Variants in ACER1 observed in about 807,000 individuals in gnomAD.
ACER1 encodes the protein alkaline ceramidase 1, also known as CTB-180A7.3.
Under a neutral mutation model 24.9 loss-of-function variants are expected in ACER1, and 28 were observed. That is an observed-to-expected ratio of 1.13 (90% CI 0.83 to 1.54). ACER1 has a LOEUF of 1.54. Ranked by LOEUF, ACER1 falls within the 40% of genes most tolerant of loss-of-function variation. The pLI is 0.00. For synonymous variants in ACER1, 132 were observed against 131.4 expected (o/e 1.00, Z -0.03); for missense variants, 352 against 349.3 (o/e 1.01, Z -0.06).
chr19:6,348,056 G>A, the ACER1 span, among the ~76,000 whole-genome samples: 1 of 149,508 alleles, frequency 6.7e-6, no homozygotes, highest in Non-Finnish European at 1.5e-5. Flanking sequence ...GACTAGAAGT[G>A]TTAATTTTGA....
chr19:6,332,653 A>C (rs144619900), intron 1 of ACER1, among the ~76,000 whole-genome samples: 48 of 151,834 alleles, frequency 3.2e-4, no homozygotes, highest in African/African-American at 1.2e-3. Flanking sequence ...AGAACTGAGG[A>C]GTTTCTCAGG....
At chr19:6,344,140 T>C in the ACER1 span, among the ~76,000 whole-genome samples, 4 of 151,930 alleles carry the variant, frequency 2.6e-5, no homozygotes, top group Admixed American at 6.6e-5. Context: ...CTACTAAAAA[T>C]ACAAAATATT....
intron 1 of ACER1, among the ~76,000 whole-genome samples, chr19:6,316,251 TAGTGAGACCCCACCTCCATA>T (rs1328526923): frequency 6.6e-6 from 1 of 152,018 alleles, no homozygotes; most frequent in African/African-American, 2.4e-5. Flanking sequence ...CTGGGCAACA[TAGTGAGACCCCACCTCCATA>T]AAAAATAAAT....
chr19:6,349,883 T>C, the ACER1 span, among the ~76,000 whole-genome samples: 2 of 152,028 alleles, frequency 1.3e-5, no homozygotes, highest in East Asian at 3.9e-4. Flanking sequence ...GTAATCCCAA[T>C]ACTTTGGGAA....
At chr19:6,347,109 A>AAATATAT in the ACER1 span, among the ~76,000 whole-genome samples, 4 of 113,822 alleles carry the variant, frequency 3.5e-5, no homozygotes, top group African/African-American at 1.5e-4. Context: ...AAAAAAAAAA[A>AAATATAT]ATATATATAT....
At chr19:6,335,902 TTTTC>T (rs1443489101), upstream of ACER1, among the ~76,000 whole-genome samples, 2 of 148,134 alleles carry the variant, frequency 1.4e-5, no homozygotes, top group Non-Finnish European at 3.0e-5. Context: ...TTTCTTTTTC[TTTTC>T]TTTTTTTTTT....
chr19:6,353,758 G>A, the ACER1 span, among the ~76,000 whole-genome samples: 2 of 152,018 alleles, frequency 1.3e-5, no homozygotes, highest in Non-Finnish European at 2.9e-5. Flanking sequence ...CTGCAAGGGA[G>A]AGGTGGCAGT....
chr19:6,343,651 G>A, the ACER1 span: 1 of 152,732 alleles, frequency 6.5e-6, no homozygotes, highest in Non-Finnish European at 1.5e-5. Flanking sequence ...CTCCCAACTT[G>A]TGGCTCTCAA....
chr19:6,331,153 C>CTT (rs560393300), intron 1 of ACER1, among the ~76,000 whole-genome samples: 10,003 of 134,816 alleles, frequency 0.074, 1,584 homozygotes, highest in African/African-American at 0.25. Flanking sequence ...ACAGCAAGCA[C>CTT]TTTTTTTTTT....
At chr19:6,315,960 T>G (rs2091601547) in intron 1 of ACER1, among the ~76,000 whole-genome samples, 1 of 152,144 alleles carries the variant, frequency 6.6e-6, no homozygotes, top group Non-Finnish European at 1.5e-5. Flanking sequence ...AAACCCCATC[T>G]CTACAAAAAA....
chr19:6,319,017 G>A (rs2091617431), intron 1 of ACER1, among the ~76,000 whole-genome samples: 1 of 151,808 alleles, frequency 6.6e-6, no homozygotes, highest in Admixed American at 6.6e-5. Context: ...GGCTGATGCG[G>A]GCCATGCACA....
rs2091641539 is a variant in ACER1, at chr19:6,323,335, G to A, written c.93+10124C>T. Reference sequence around the variant, plus strand: ...CTTGGGAGGCTGAGGCAGGAGAATGGTGTGAACCCTAGGGGGCAGAGCCTG... The same window carrying A: ...CTTGGGAGGCTGAGGCAGGAGAATGATGTGAACCCTAGGGGGCAGAGCCTG... On this transcript the variant is annotated intron_variant, in intron 1 of 5. Transcript: ENST00000301452. Among the ~76,000 whole-genome samples, 3 of 150,954 alleles carry A rather than the reference G, an allele frequency of 2.0e-5. No individual in the cohort carries two copies. The South Asian group carries it at 6.3e-4, about 32-fold the overall frequency.
intron 1 of ACER1, among the ~76,000 whole-genome samples, chr19:6,313,760 G>C (rs2091591761): frequency 1.3e-5 from 2 of 152,202 alleles, no homozygotes; most frequent in African/African-American, 4.8e-5. Context: ...TCTGAGGTTA[G>C]GTCATAAAAG....
At chr19:6,311,488 G>A (rs192458920) in intron 3 of ACER1, among the ~76,000 whole-genome samples, 1 of 152,126 alleles carries the variant, frequency 6.6e-6, no homozygotes, top group Non-Finnish European at 1.5e-5. Context: ...GCTGCAGTGA[G>A]CCGAGATCGC....
the ACER1 span, among the ~76,000 whole-genome samples, chr19:6,357,641 GGGTGCCAGCTACTCA>G: frequency 6.6e-6 from 1 of 151,764 alleles, no homozygotes; most frequent in Non-Finnish European, 1.5e-5. Flanking sequence ...GCGTGATGGT[GGGTGCCAGCTACTCA>G]GGAGGTCGAG....
rs1186885362 is a variant in ACER1, at chr19:6,309,838, G to A, written c.351-4C>T. The A allele has an allele frequency of 1.2e-6, 2 of 1,613,826 alleles. No homozygotes were observed. The highest frequency in any genetic ancestry group is 1.7e-6 in the Non-Finnish European group (2 of 1,179,964). ...GACCAGGCGGATGAACTGGGACCTG[G>A]GGAGGAAGGGGCTCAGCTGTAGGCG... On this transcript the variant is annotated splice_polypyrimidine_tract_variant and splice_region_variant and intron_variant, in intron 3 of 5. Transcript: ENST00000301452.
At chr19:6,324,072 T>C (rs2091646425) in intron 1 of ACER1, among the ~76,000 whole-genome samples, 2 of 152,136 alleles carry the variant, frequency 1.3e-5, no homozygotes, top group Admixed American at 1.3e-4. Flanking sequence ...TGAGACCAAG[T>C]CTCGCTGTGT....
upstream of ACER1, among the ~76,000 whole-genome samples, chr19:6,337,573 C>A (rs73559867): frequency 0.19 from 28,672 of 147,306 alleles, 3,831 homozygotes; most frequent in East Asian, 0.36. Flanking sequence ...CTTGCCTGAG[C>A]CTTCTGAGTA....
the ACER1 span, among the ~76,000 whole-genome samples, chr19:6,359,236 C>T: frequency 1.3e-4 from 19 of 150,576 alleles, no homozygotes; most frequent in Admixed American, 4.0e-4. Context: ...TGACTCAAAA[C>T]AAAAAAAGAG....
Sources: gnomAD v4.1 joint callset for allele counts (sites outside exome capture counted in the v4.1 genomes callset) on GRCh38, gnomAD v4.1.1 for gene constraint, MANE v1.5 for transcripts, NCBI Gene and HGNC (gene_info 2026-07-23, HGNC 2026-07-21) for gene names.